The following B4GALT4 variants were observed in gnomAD, a reference collection of about 807,000 sequenced individuals.
B4GALT4 encodes the protein beta-1,4-galactosyltransferase 4, also known as N-acetyllactosamine synthase.
In B4GALT4, 27 loss-of-function variants were observed where a neutral mutation model predicts 37.3. The ratio of observed to expected loss-of-function variants is 0.72; its 90% CI spans 0.53 to 1.00. The LOEUF is 1.00. Among genes scored for constraint, B4GALT4 ranks in the 50% least tolerant of loss-of-function variants. The pLI, the probability that B4GALT4 is intolerant of heterozygous loss-of-function variation, is 0.00. For synonymous variants in B4GALT4, 148 were observed against 154.1 expected (o/e 0.96, Z 0.29); for missense variants, 372 against 413.1 (o/e 0.90, Z 0.86).
intron 2 of B4GALT4, chr3:119,236,050 A>AT (rs1387213221): frequency 6.6e-6 from 1 of 152,216 alleles, no homozygotes; most frequent in Non-Finnish European, 1.5e-5. Context: ...ACAGGCAAAA[A>AT]TTTGAGGATA....
At chr3:119,225,263 TG>T (rs755719446) in intron 4 of B4GALT4, among the ~76,000 whole-genome samples, 2 of 152,254 alleles carry the variant, frequency 1.3e-5, no homozygotes, top group Non-Finnish European at 2.9e-5. Flanking sequence ...TTTTCATGGC[TG>T]CTTCATTCAA....
intron 4 of B4GALT4, among the ~76,000 whole-genome samples, chr3:119,224,682 A>G (rs563315147): frequency 6.6e-6 from 1 of 152,372 alleles, no homozygotes; most frequent in African/African-American, 2.4e-5. Flanking sequence ...AAAGTTAAAA[A>G]AAGTTAAGAT....
At chr3:119,220,985 C>CA (rs371366842) in intron 5 of B4GALT4, among the ~76,000 whole-genome samples, 14,484 of 108,048 alleles carry the variant, frequency 0.13, 917 homozygotes, top group East Asian at 0.29. Flanking sequence ...GACTCTGTCT[C>CA]AAAAAAAAAA....
At chr3:119,215,982 T>C in intron 7 of B4GALT4, 1 of 258,172 alleles carries the variant, frequency 3.9e-6, no homozygotes, top group South Asian at 1.6e-4. Context: ...CATGAAATGC[T>C]ATGACATCTG....
At chr3:119,238,380 T>C (rs2079047707) in intron 1 of B4GALT4, among the ~76,000 whole-genome samples, 1 of 151,998 alleles carries the variant, frequency 6.6e-6, no homozygotes, top group Non-Finnish European at 1.5e-5. Context: ...TTAATTACAG[T>C]ATTAGGAGAA....
chr3:119,223,928 G>T, intron 5 of B4GALT4, 130 bp downstream of exon 5: 2 of 901,004 alleles, frequency 2.2e-6, no homozygotes, highest in Non-Finnish European at 3.1e-6. Flanking sequence ...CACTTTAAGT[G>T]ATGCATACAT....
rs1208642434 is a variant in B4GALT4, at chr3:119,227,144, T to C, written c.254-103A>G. 17 of 936,156 alleles carry C rather than the reference T, an allele frequency of 1.8e-5. No homozygotes were observed. The Middle Eastern group carries it at 1.5e-3, about 83-fold the overall frequency. The allele number at this position is 936,156 out of a possible 1,614,324, so 58.0% of individuals were successfully genotyped here. On this transcript the variant is annotated intron_variant, in intron 3 of 7. Coordinates refer to ENST00000393765, the MANE Select transcript of B4GALT4 (RefSeq NM_003778.4). ...AGAAAGAACACTGCCCAGCTCACAGTGAGTACTACAAATGTCAGCTTTTAT... is the reference window on the plus strand; with the variant it reads ...AGAAAGAACACTGCCCAGCTCACAGCGAGTACTACAAATGTCAGCTTTTAT...
At chr3:119,237,282 G>A (rs1576946443) in intron 1 of B4GALT4, among the ~76,000 whole-genome samples, 1 of 151,342 alleles carries the variant, frequency 6.6e-6, no homozygotes, top group East Asian at 1.9e-4. Flanking sequence ...CCTTAAAAAG[G>A]TTTAAAAAGC....
At chr3:119,213,848 A>G (rs963971490) in intron 7 of B4GALT4, 4 of 152,228 alleles carry the variant, frequency 2.6e-5, no homozygotes, top group Non-Finnish European at 5.9e-5. Context: ...ATGACTAGAA[A>G]AACATAGAAA....
intron 1 of B4GALT4, chr3:119,240,026 C>G (rs1252818714): frequency 6.6e-6 from 1 of 151,104 alleles, no homozygotes; most frequent in East Asian, 1.9e-4. Context: ...CACAACTCGC[C>G]TCCACGCTCA....
chr3:119,239,260 A>T (rs931397124), intron 1 of B4GALT4, among the ~76,000 whole-genome samples: 10 of 147,418 alleles, frequency 6.8e-5, no homozygotes, highest in Middle Eastern at 3.6e-3. Flanking sequence ...TGAGAGGTGT[A>T]GGTTGCAGTG....
In B4GALT4 at chr3:119,227,486, C is replaced by T. The variant is rs536316944; in HGVS notation, c.254-445G>A. On this transcript the variant is annotated intron_variant, in intron 3 of 7. Coordinates refer to ENST00000393765, the MANE Select transcript of B4GALT4 (RefSeq NM_003778.4). ...AAGCTCCTGGACAAGGCACTCTTCC[C>T]ACCCCTTCCCTAAACTCTGGAACCA... Among the ~76,000 whole-genome samples the T allele has an allele frequency of 8.5e-5, 13 of 152,240 alleles. No individual in the cohort carries two copies. In the South Asian group the frequency reaches 2.5e-3, roughly 29 times the overall value.
At chr3:119,224,031 A>T in intron 5 of B4GALT4, 27 bp downstream of exon 5, 2 of 1,587,820 alleles carry the variant, frequency 1.3e-6, no homozygotes, top group Non-Finnish European at 1.7e-6. Context: ...TTCTCGACCT[A>T]AGCCACCCTC....
At chr3:119,238,694 A>T (rs1427065444) in intron 1 of B4GALT4, among the ~76,000 whole-genome samples, 1 of 152,212 alleles carries the variant, frequency 6.6e-6, no homozygotes, top group Non-Finnish European at 1.5e-5. Context: ...ATATAGAAAA[A>T]AACAGCGTAT....
intron 5 of B4GALT4, among the ~76,000 whole-genome samples, chr3:119,220,006 T>C (rs1212733222): frequency 2.0e-5 from 3 of 152,200 alleles, no homozygotes; most frequent in Admixed American, 6.5e-5. Flanking sequence ...ATGTAGACAC[T>C]GGCCATCAAA....
chr3:119,234,658 G>A (rs1253876265), intron 2 of B4GALT4, among the ~76,000 whole-genome samples: 1 of 152,188 alleles, frequency 6.6e-6, no homozygotes, highest in African/African-American at 2.4e-5. Flanking sequence ...GTTTGGGAAA[G>A]TGCCATCATA....
chr3:119,214,016 G>A (rs1243849574), intron 7 of B4GALT4: 1 of 152,156 alleles, frequency 6.6e-6, no homozygotes, highest in Non-Finnish European at 1.5e-5. Context: ...TTGAGCCCAG[G>A]AGTTTAAGAC....
intron 4 of B4GALT4, chr3:119,226,504 A>C: frequency 2.6e-6 from 1 of 383,412 alleles, no homozygotes; most frequent in Non-Finnish European, 4.8e-6. Context: ...AAAGAAACAG[A>C]AGGGGCCAGG....
At chr3:119,233,188 T>A (rs1241760610) in intron 2 of B4GALT4, 1 of 152,242 alleles carries the variant, frequency 6.6e-6, no homozygotes, top group Non-Finnish European at 1.5e-5. Flanking sequence ...AAGGAGGTTA[T>A]GACCATAAAA....
Sources: gnomAD v4.1 joint callset for allele counts (sites outside exome capture counted in the v4.1 genomes callset) on GRCh38, gnomAD v4.1.1 for gene constraint, MANE v1.5 for transcripts, NCBI Gene and HGNC (gene_info 2026-07-23, HGNC 2026-07-21) for gene names.